LRP2: variants seen among roughly 807,000 people sequenced by gnomAD.
LRP2 encodes low-density lipoprotein receptor-related protein 2.
Under a neutral mutation model 531.0 loss-of-function variants are expected in LRP2, and 172 were observed. The ratio of observed to expected loss-of-function variants is 0.32; its 90% CI spans 0.29 to 0.37. The LOEUF (loss-of-function observed/expected upper bound fraction) is 0.37, where lower values mean the gene tolerates loss of function less well. LRP2 is among the 10% of genes least tolerant of loss of function. LRP2 has a pLI of 1.00. For synonymous variants in LRP2, 1,992 were observed against 2,027.6 expected (o/e 0.98, Z 0.47); for missense variants, 5,167 against 5,868.3 (o/e 0.88, Z 3.90).
chr2:169,314,248 A>AAAT (rs1553513221), intron 3 of LRP2, among the ~76,000 whole-genome samples: 2 of 151,186 alleles, frequency 1.3e-5, no homozygotes, highest in African/African-American at 2.4e-5. Context: ...GAAAAAAAAA[A>AAAT]TAAATTTAGC....
intron 66 of LRP2, among the ~76,000 whole-genome samples, chr2:169,153,523 A>G (rs182971775): frequency 1.4e-3 from 215 of 152,354 alleles, no homozygotes; most frequent in Non-Finnish European, 2.0e-3. Context: ...AATATGTGTG[A>G]AAATACACCA....
chr2:169,311,875 TG>T (rs1283103627), intron 3 of LRP2, among the ~76,000 whole-genome samples: 2 of 152,200 alleles, frequency 1.3e-5, no homozygotes, highest in Non-Finnish European at 2.9e-5. Flanking sequence ...TTTATGAATC[TG>T]GGTGCTCCTG....
Position 169,247,313 on chromosome 2 carries a change from G to C in LRP2, c.2908+65C>G. ...AGTAATAAGTACTTAAAGAGAACAG[G>C]AGCCACTGTAACAAATAAATAAACC... On this transcript the variant is annotated intron_variant, in intron 20 of 78. Transcript: ENST00000649046. The C allele has an allele frequency of 1.9e-6, 3 of 1,543,276 alleles. No homozygotes were observed. In the South Asian group the frequency reaches 3.4e-5, roughly 18 times the overall value.
chr2:169,243,465 T>C lies in LRP2; in HGVS notation c.3488A>G (p.Asp1163Gly), dbSNP rs776251392. Residue 1163 changes from aspartate (D) to glycine (G), a missense_variant, in exon 23 of 79, where the codon GAC becomes GGC. Physicochemically the swap from Asp to Gly is moderately conservative, Grantham distance 94. Around this residue, in one of 6 missense-constraint regions of LRP2, gnomAD observed 2,811 missense variants for 3,058.0 expected, o/e 0.92. Transcript: ENST00000649046. ...GTCACCATCACAGACAAACGATAGG[T>C]CAATACATCGATGATTGGGGCAATT... ...QFNCPNHRCIDLSFVCDGDKD... is the reference protein window; with the variant it reads ...QFNCPNHRCIGLSFVCDGDKD... 1.9e-6 allele frequency: 3 copies of C among 1,614,142 alleles called. No homozygotes were observed. The highest frequency in any genetic ancestry group is 2.5e-6 in the Non-Finnish European group (3 of 1,180,004).
intron 3 of LRP2, among the ~76,000 whole-genome samples, chr2:169,313,468 G>A (rs928861076): frequency 1.3e-5 from 2 of 152,154 alleles, no homozygotes; most frequent in Admixed American, 1.3e-4. Context: ...GAGTTTGCTG[G>A]AGGTCCACTC....
Position 169,289,057 on chromosome 2 carries a change from G to A in LRP2, c.1011C>T (p.Ile337=). 6.2e-7 allele frequency: 1 copy of A among 1,614,106 alleles called. No individual in the cohort carries two copies. The highest frequency in any genetic ancestry group is 8.5e-7 in the Non-Finnish European group (1 of 1,179,994). The change falls in exon 9 of 79, where the codon ATC becomes ATT. Residue 337 remains isoleucine, a synonymous_variant. Coordinates refer to ENST00000649046, the MANE Select transcript of LRP2 (RefSeq NM_004525.3). ...GGACFCPPGY[I]INHNDSRTCV... The stretch of plus-strand genomic sequence containing the variant: ...AGGTACGGCTGTCATTGTGGTTGAT[G>A]ATATAACCTGGGGGACAAAAACACG...
At position 169,151,138 on chromosome 2, in the gene LRP2, T is replaced by G. The variant is rs116448138; in HGVS notation, c.12462-112A>C. ...TTGGCTGGTGAGACAGCTGCTCAGATACCTATCATCAGACCATAGTCCCCC... is the reference window on the plus strand; with the variant it reads ...TTGGCTGGTGAGACAGCTGCTCAGAGACCTATCATCAGACCATAGTCCCCC... On this transcript the variant is annotated intron_variant, in intron 67 of 78. Coordinates refer to ENST00000649046, the MANE Select transcript of LRP2 (RefSeq NM_004525.3). The G allele has an allele frequency of 2.3e-3, 2,516 of 1,077,818 alleles. 40 individuals are homozygous for G. The African/African-American group carries it at 0.034, about 14-fold the overall frequency. The allele number at this position is 1,077,818 out of a possible 1,614,324, so 66.8% of individuals were successfully genotyped here.
chr2:169,339,389 CTT>C (rs1467702489), intron 1 of LRP2, among the ~76,000 whole-genome samples: 1 of 152,066 alleles, frequency 6.6e-6, no homozygotes, highest in Non-Finnish European at 1.5e-5. Context: ...AAAAATAAAA[CTT>C]AATTCACAAA....
Position 169,362,363 on chromosome 2 carries a change from G to A in LRP2, c.37C>T (p.Leu13Phe), listed in dbSNP as rs1255290148. ...RGPAAVACTLLLALVACLAPA... is the reference protein window; with the variant it reads ...RGPAAVACTLFLALVACLAPA... ...GCTAGGCAGGCGACGAGAGCCAGGAGCAGCGTGCACGCCACTGCTGCCGGC... is the reference window on the plus strand; with the variant it reads ...GCTAGGCAGGCGACGAGAGCCAGGAACAGCGTGCACGCCACTGCTGCCGGC... The change falls in exon 1 of 79, where the codon CTC becomes TTC. Residue 13 changes from leucine to phenylalanine, a missense_variant. Around this residue, in one of 6 missense-constraint regions of LRP2, gnomAD observed 2,811 missense variants for 3,058.0 expected, o/e 0.92. Coordinates refer to ENST00000649046, the MANE Select transcript of LRP2 (RefSeq NM_004525.3). The A allele has an allele frequency of 1.9e-6, 3 of 1,570,912 alleles. No individual in the cohort carries two copies. The highest frequency in any genetic ancestry group is 2.6e-6 in the Non-Finnish European group (3 of 1,160,106).
At chr2:169,144,709 C>A (rs1410568184) in intron 70 of LRP2, among the ~76,000 whole-genome samples, 2 of 152,178 alleles carry the variant, frequency 1.3e-5, no homozygotes, top group African/African-American at 4.8e-5. Context: ...GCATTTGCCA[C>A]CCCTGTCATC....
intron 72 of LRP2, among the ~76,000 whole-genome samples, chr2:169,139,880 C>A (rs1015293756): frequency 6.6e-6 from 1 of 152,216 alleles, no homozygotes; most frequent in Non-Finnish European, 1.5e-5. Context: ...CTAATCTATG[C>A]AATGCTTCCT....
At chr2:169,316,432 A>T (rs1179456522) in intron 3 of LRP2, among the ~76,000 whole-genome samples, 1 of 152,220 alleles carries the variant, frequency 6.6e-6, no homozygotes, top group South Asian at 2.1e-4. Context: ...CACAAATTCA[A>T]CAAGTAAGAG....
At chr2:169,282,785 T>A in intron 10 of LRP2, 88 bp downstream of exon 10, 1 of 1,416,762 alleles carries the variant, frequency 7.1e-7, no homozygotes, top group Non-Finnish European at 1.0e-6. Context: ...ACAAAAATGC[T>A]GATAATTCTG....
Position 169,244,335 on chromosome 2 carries a change from A to G in LRP2, c.3430+358T>C, listed in dbSNP as rs562636001. Among the ~76,000 whole-genome samples, 30 of 152,372 alleles carry G rather than the reference A, an allele frequency of 2.0e-4. No homozygotes were observed. The South Asian group carries it at 5.8e-3, about 29-fold the overall frequency. On this transcript the variant is annotated intron_variant, in intron 22 of 78. Transcript: ENST00000649046. Reference sequence around the variant, plus strand: ...TGTACCAAATGAAAAAGAAACATCAATAGCCAAAGGTCTGGATATATCTAT... The same window carrying G: ...TGTACCAAATGAAAAAGAAACATCAGTAGCCAAAGGTCTGGATATATCTAT...
chr2:169,200,209 T>C (rs961928307), intron 44 of LRP2, among the ~76,000 whole-genome samples: 8 of 152,100 alleles, frequency 5.3e-5, no homozygotes, highest in South Asian at 2.1e-4. Context: ...TGAGATCGCG[T>C]CACTGCACTC....
At position 169,243,022 on chromosome 2, in the gene LRP2, T is replaced by C. The variant is rs1689865518; in HGVS notation, c.3601A>G (p.Ile1201Val). 7 of 1,614,018 alleles carry C rather than the reference T, an allele frequency of 4.3e-6. No homozygotes were observed. Among genetic ancestry groups the C allele is most frequent in the African/African-American group, 1.3e-5 (1 of 74,916 alleles). The change falls in exon 24 of 79, where the codon ATT (isoleucine) becomes GTT (valine). Residue 1201 changes from isoleucine (I) to valine (V), a missense_variant. Around this residue, in one of 6 missense-constraint regions of LRP2, gnomAD observed 2,811 missense variants for 3,058.0 expected, o/e 0.92. Coordinates refer to ENST00000649046, the MANE Select transcript of LRP2 (RefSeq NM_004525.3). ...QFKCASGDKC[I>V]GVTNRCDGVF... ...CCATCACAACGATTTGTGACGCCAA[T>C]ACATTTATCCCCACTGGCACACTTG...
At chr2:169,305,593 C>T (rs940261630) in intron 4 of LRP2, among the ~76,000 whole-genome samples, 1 of 152,090 alleles carries the variant, frequency 6.6e-6, no homozygotes, top group Non-Finnish European at 1.5e-5. Context: ...GACATAATAA[C>T]TGAAAAGTTT....
At chr2:169,163,480 T>G (rs1686661354) in intron 62 of LRP2, among the ~76,000 whole-genome samples, 1 of 152,184 alleles carries the variant, frequency 6.6e-6, no homozygotes, top group African/African-American at 2.4e-5. Context: ...ATAAAATGAC[T>G]GCCCATCTAT....
chr2:169,161,617 G>A (rs974043649), intron 63 of LRP2, among the ~76,000 whole-genome samples: 3 of 152,030 alleles, frequency 2.0e-5, no homozygotes, highest in Non-Finnish European at 2.9e-5. Flanking sequence ...GGGACTAGAG[G>A]TGCACACCAC....
Sources: allele counts gnomAD v4.1 joint callset (sites outside exome capture counted in the v4.1 genomes callset), GRCh38; gene constraint gnomAD v4.1.1; regional missense constraint gnomAD v4.1.1; transcripts MANE v1.5; gene names NCBI Gene and HGNC (gene_info 2026-07-23, HGNC 2026-07-21).